CBFA2T3: variants seen among roughly 807,000 people sequenced by gnomAD.
CBFA2T3 encodes the protein transcriptional corepressor CBFA2T3.
CBFA2T3 carries 31 observed loss-of-function variants against 58.6 expected under a neutral mutation model. That is an observed-to-expected ratio of 0.53 (90% CI 0.40 to 0.71). The LOEUF is 0.71. Among genes scored for constraint, CBFA2T3 ranks in the 30% least tolerant of loss-of-function variants. The pLI, the probability that CBFA2T3 is intolerant of heterozygous loss-of-function variation, is 0.00. For synonymous variants in CBFA2T3, 531 were observed against 421.9 expected (o/e 1.26, Z -3.17); for missense variants, 1,076 against 963.1 (o/e 1.12, Z -1.55).
chr16:88,937,516 G>C (rs1971545441), intron 1 of CBFA2T3: 1 of 152,568 alleles, frequency 6.6e-6, no homozygotes, highest in Non-Finnish European at 1.5e-5. Flanking sequence ...TCCCGTGTCA[G>C]AACTCAGTGG....
intron 1 of CBFA2T3, among the ~76,000 whole-genome samples, chr16:88,926,859 A>C (rs958547339): frequency 6.6e-6 from 1 of 152,026 alleles, no homozygotes; most frequent in Non-Finnish European, 1.5e-5. Flanking sequence ...CTTGTGCCCC[A>C]CCTCACAGCG....
chr16:88,954,251 C>T (rs1388753742), intron 1 of CBFA2T3, among the ~76,000 whole-genome samples: 1 of 152,162 alleles, frequency 6.6e-6, no homozygotes, highest in Non-Finnish European at 1.5e-5. Flanking sequence ...GCCGGCCACC[C>T]ATCTACTCTG....
At chr16:88,880,896 G>A (rs979578418) in intron 9 of CBFA2T3, 108 bp from the exon 10 acceptor site, 17 of 1,037,334 alleles carry the variant, frequency 1.6e-5, no homozygotes, top group South Asian at 4.2e-5. Context: ...GAGTGTGTGC[G>A]TCCCTGGGGG....
intron 3 of CBFA2T3, among the ~76,000 whole-genome samples, chr16:88,893,538 C>T (rs1293428281): frequency 6.6e-6 from 1 of 152,184 alleles, no homozygotes; most frequent in Non-Finnish European, 1.5e-5. Flanking sequence ...CTGGGACACC[C>T]AAGGACACAC....
intron 2 of CBFA2T3, among the ~76,000 whole-genome samples, chr16:88,899,842 C>T (rs977198504): frequency 8.5e-5 from 13 of 152,252 alleles, no homozygotes; most frequent in African/African-American, 3.1e-4. Context: ...TTTCCTCCCC[C>T]GGGGCTGGGG....
At chr16:88,925,695 G>A (rs1014545094) in intron 1 of CBFA2T3, among the ~76,000 whole-genome samples, 1 of 152,170 alleles carries the variant, frequency 6.6e-6, no homozygotes, top group Non-Finnish European at 1.5e-5. Flanking sequence ...TTCAGGGGCC[G>A]TCCCTCAGCC....
In CBFA2T3 at chr16:88,967,775, C is replaced by A. The variant is rs545575005; in HGVS notation, c.151+8882G>T. ...GCGCACACTGCCTGGGGGCTCGTCG[C>A]GGCTCAGCCCTCACACTGCCCCTTC... On this transcript the variant is annotated intron_variant, in intron 1 of 11. Transcript: ENST00000268679. Among the ~76,000 whole-genome samples the A allele has an allele frequency of 4.6e-5, 7 of 152,328 alleles. No homozygotes were observed. In the South Asian group the frequency reaches 8.3e-4, roughly 18 times the overall value.
chr16:88,881,838 C>T (rs1454221687), intron 8 of CBFA2T3, among the ~76,000 whole-genome samples: 3 of 152,364 alleles, frequency 2.0e-5, no homozygotes, highest in Non-Finnish European at 4.4e-5. Context: ...GCGAGGCTGA[C>T]AACAGTGCTG....
chr16:88,877,718 C>T (rs917513794), intron 11 of CBFA2T3, among the ~76,000 whole-genome samples: 1 of 152,164 alleles, frequency 6.6e-6, no homozygotes, highest in Non-Finnish European at 1.5e-5. Context: ...CCACCTCTGC[C>T]CCCACCCTGT....
intron 1 of CBFA2T3, among the ~76,000 whole-genome samples, chr16:88,934,040 C>T (rs1015862642): frequency 6.6e-6 from 1 of 152,242 alleles, no homozygotes; most frequent in Non-Finnish European, 1.5e-5. Context: ...ATATTATAAA[C>T]ATTAATTTTG....
intron 3 of CBFA2T3, among the ~76,000 whole-genome samples, chr16:88,897,464 G>A (rs1408830464): frequency 2.0e-5 from 3 of 152,246 alleles, no homozygotes; most frequent in Admixed American, 2.0e-4. Flanking sequence ...CCTGGTAAGA[G>A]CCCATGCTCC....
Position 88,898,092 on chromosome 16 carries a change from G to A in CBFA2T3, c.365C>T (p.Ser122Phe). The A allele has an allele frequency of 6.2e-7, 1 of 1,608,422 alleles. No homozygotes were observed. The highest frequency in any genetic ancestry group is 8.5e-7 in the Non-Finnish European group (1 of 1,176,860). Reference protein sequence around the residue: ...HGRFHGCLKWSMVCLLMNGSS... With the variant: ...HGRFHGCLKWFMVCLLMNGSS... ...ATTTTACTTACAGAGACAGACCATA[G>A]ACCATTTTAAGCAGCCATGAAAACG... The change falls in exon 3 of 12, where the codon TCT (serine) becomes TTT (phenylalanine). Residue 122 changes from serine (S) to phenylalanine (F), a missense_variant. Physicochemically the swap from Ser to Phe is radical, Grantham distance 155. Coordinates refer to ENST00000268679, the MANE Select transcript of CBFA2T3 (RefSeq NM_005187.6).
intron 7 of CBFA2T3, chr16:88,883,449 G>A (rs1287104070): frequency 6.5e-6 from 1 of 153,680 alleles, no homozygotes; most frequent in Non-Finnish European, 1.4e-5. Context: ...ATCCTATTCG[G>A]GGTTGTTCTC....
intron 1 of CBFA2T3, among the ~76,000 whole-genome samples, chr16:88,928,450 C>T (rs1971158394): frequency 6.6e-6 from 1 of 152,244 alleles, no homozygotes. Context: ...TGATCAAGCC[C>T]CAGGGCTGGA....
At chr16:88,941,022 T>TCGGGGGGTC (rs1301435763) in intron 1 of CBFA2T3, 10 of 981,652 alleles carry the variant, frequency 1.0e-5, no homozygotes, top group Admixed American at 6.2e-5. Context: ...GCACTTACGG[T>TCGGGGGGTC]CGGGGGGTCC....
intron 1 of CBFA2T3, among the ~76,000 whole-genome samples, chr16:88,966,901 G>A (rs1972518988): frequency 6.6e-6 from 1 of 152,206 alleles, no homozygotes; most frequent in Non-Finnish European, 1.5e-5. Flanking sequence ...CACCCACCCT[G>A]GACTCTGGAA....
intron 1 of CBFA2T3, among the ~76,000 whole-genome samples, chr16:88,943,673 C>T (rs140355859): frequency 0.034 from 5,174 of 152,300 alleles, 125 homozygotes; most frequent in Non-Finnish European, 0.056. Flanking sequence ...CATTTCCCCC[C>T]GTGCTGTGCG....
chr16:88,880,965 C>A, intron 9 of CBFA2T3, 177 bp from the exon 10 acceptor site: 1 of 677,836 alleles, frequency 1.5e-6, no homozygotes. Flanking sequence ...TGCCCGGGCA[C>A]GGGGGGCATT....
chr16:88,905,055 G>C (rs184135044), intron 1 of CBFA2T3, among the ~76,000 whole-genome samples: 1 of 152,108 alleles, frequency 6.6e-6, no homozygotes, highest in South Asian at 2.1e-4. Flanking sequence ...AGTGTGGAAA[G>C]GTAGAGGAAC....
Sources: gnomAD v4.1 joint callset for allele counts (sites outside exome capture counted in the v4.1 genomes callset) on GRCh38, gnomAD v4.1.1 for gene constraint, MANE v1.5 for transcripts, NCBI Gene and HGNC (gene_info 2026-07-23, HGNC 2026-07-21) for gene names.